LRP1B: variants seen among roughly 807,000 people sequenced by gnomAD.
LRP1B encodes low-density lipoprotein receptor-related protein 1B.
LRP1B carries 217 observed loss-of-function variants against 556.6 expected under a neutral mutation model. The observed-to-expected ratio is 0.39, with a 90% CI of 0.35 to 0.44. The LOEUF is 0.44. Ranked by LOEUF, LRP1B falls within the 20% of genes least tolerant of loss-of-function variation. LRP1B has a pLI of 1.00. For missense variants in LRP1B, 5,053 were observed against 5,620.8 expected (o/e 0.90, Z 3.23); for synonymous variants, 2,047 against 1,865.8 (o/e 1.10, Z -2.50).
chr2:140,742,433 G>A (rs1457054907), intron 35 of LRP1B, among the ~76,000 whole-genome samples: 1 of 152,020 alleles, frequency 6.6e-6, no homozygotes, highest in Non-Finnish European at 1.5e-5. Flanking sequence ...AAATCATTCT[G>A]TAATAAATAG....
intron 79 of LRP1B, among the ~76,000 whole-genome samples, chr2:140,327,398 A>T (rs764043238): frequency 1.2e-4 from 18 of 152,236 alleles, no homozygotes; most frequent in Non-Finnish European, 2.4e-4. Flanking sequence ...GATCCTGAGA[A>T]ATAATAATTA....
intron 1 of LRP1B, among the ~76,000 whole-genome samples, chr2:141,811,189 T>C (rs1696342122): frequency 6.6e-6 from 1 of 152,132 alleles, no homozygotes; most frequent in Admixed American, 6.6e-5. Context: ...AATTATTCTT[T>C]ACATCTTAAT....
At chr2:141,865,300 A>G (rs1698371624) in intron 1 of LRP1B, among the ~76,000 whole-genome samples, 2 of 152,102 alleles carry the variant, frequency 1.3e-5, no homozygotes, top group Admixed American at 1.3e-4. Flanking sequence ...GCATATCATC[A>G]AGACAGAAAT....
At chr2:141,671,974 C>T (rs1002160272) in intron 2 of LRP1B, among the ~76,000 whole-genome samples, 1 of 151,954 alleles carries the variant, frequency 6.6e-6, no homozygotes, top group African/African-American at 2.4e-5. Flanking sequence ...CCACAAAACA[C>T]TCTCTATATC....
chr2:141,927,143 C>T (rs1044001427), intron 1 of LRP1B, among the ~76,000 whole-genome samples: 4 of 152,054 alleles, frequency 2.6e-5, no homozygotes, highest in African/African-American at 9.7e-5. Flanking sequence ...CTGTTGATTG[C>T]TTCTTAAAAG....
At chr2:140,605,741 C>G (rs1682845347) in intron 41 of LRP1B, among the ~76,000 whole-genome samples, 1 of 149,434 alleles carries the variant, frequency 6.7e-6, no homozygotes, top group Non-Finnish European at 1.5e-5. Context: ...TATACGGTCT[C>G]TCTCATTGCA....
intron 32 of LRP1B, among the ~76,000 whole-genome samples, chr2:140,797,699 T>C (rs1690366066): frequency 6.6e-6 from 1 of 152,144 alleles, no homozygotes; most frequent in South Asian, 2.1e-4. Context: ...GTATAATACT[T>C]TAATGGCAGC....
intron 18 of LRP1B, among the ~76,000 whole-genome samples, chr2:140,964,999 T>A (rs774695379): frequency 1.3e-5 from 2 of 152,062 alleles, no homozygotes; most frequent in Non-Finnish European, 1.5e-5. Context: ...AGGGATATAA[T>A]AGAGAGATAT....
intron 2 of LRP1B, among the ~76,000 whole-genome samples, chr2:141,741,355 G>A (rs1269500536): frequency 8.6e-6 from 1 of 116,712 alleles, no homozygotes; most frequent in Non-Finnish European, 1.6e-5. Context: ...TCTAATTTTA[G>A]TTTTTTTGAG....
At chr2:141,738,819 T>C (rs1229620369) in intron 2 of LRP1B, among the ~76,000 whole-genome samples, 1 of 152,108 alleles carries the variant, frequency 6.6e-6, no homozygotes, top group Non-Finnish European at 1.5e-5. Context: ...TTATATTCAA[T>C]CTTATTCAAA....
At chr2:140,784,285 T>A (rs1187019797) in intron 32 of LRP1B, among the ~76,000 whole-genome samples, 2 of 151,784 alleles carry the variant, frequency 1.3e-5, no homozygotes, top group Admixed American at 6.6e-5. Context: ...CAGGTTTCTA[T>A]GCCCCATGTG....
At chr2:140,554,911 C>A (rs1467630313) in intron 43 of LRP1B, among the ~76,000 whole-genome samples, 1 of 148,430 alleles carries the variant, frequency 6.7e-6, no homozygotes, top group Non-Finnish European at 1.5e-5. Flanking sequence ...ACTAGCTAGG[C>A]TTTGTACTTT....
intron 45 of LRP1B, among the ~76,000 whole-genome samples, chr2:140,540,129 T>C (rs1014880183): frequency 6.6e-5 from 10 of 152,062 alleles, no homozygotes; most frequent in Non-Finnish European, 1.5e-5. Flanking sequence ...TACTTATTTT[T>C]ATTATGTAGA....
At chr2:142,079,359 T>C (rs1292428700) in intron 1 of LRP1B, among the ~76,000 whole-genome samples, 3 of 150,760 alleles carry the variant, frequency 2.0e-5, no homozygotes, top group Non-Finnish European at 3.0e-5. Flanking sequence ...AAATATATGT[T>C]GGAAACATAA....
chr2:140,499,423 A>AAC (rs372001233), intron 55 of LRP1B, among the ~76,000 whole-genome samples: 48 of 151,502 alleles, frequency 3.2e-4, no homozygotes, highest in South Asian at 4.2e-4. Context: ...ACATAGAACA[A>AAC]ACACACACAC....
intron 83 of LRP1B, among the ~76,000 whole-genome samples, chr2:140,307,729 C>T (rs12373750): frequency 0.31 from 46,242 of 151,398 alleles, 7,951 homozygotes; most frequent in Non-Finnish European, 0.4. Context: ...TAGTCATAGT[C>T]AGCTATTTCT....
Position 140,304,230 on chromosome 2 carries a change from G to A in LRP1B, c.12806-6261C>T, listed in dbSNP as rs190374618. On this transcript the variant is annotated intron_variant, in intron 83 of 90. Transcript: ENST00000389484. ...TTTAGTTATAGATCCTTGAGGAGTC[G>A]CCACACTGTCTGCCACAATGGTTGT... Among the ~76,000 whole-genome samples the A allele has an allele frequency of 7.6e-4, 116 of 152,216 alleles. 1 individual carries two copies. Among genetic ancestry groups the A allele is most frequent in the Middle Eastern group, 3.4e-3 (1 of 294 alleles).
At chr2:141,281,693 T>C (rs445580) in intron 3 of LRP1B, among the ~76,000 whole-genome samples, 145,692 of 151,844 alleles carry the variant, frequency 0.96, 70,173 homozygotes, top group Non-Finnish European at 1. Flanking sequence ...TAATATTCTA[T>C]GCCATAACAC....
intron 43 of LRP1B, among the ~76,000 whole-genome samples, chr2:140,554,882 G>GTATA (rs1220964024): frequency 2.2e-4 from 17 of 78,962 alleles, no homozygotes; most frequent in African/African-American, 5.7e-4. Flanking sequence ...GTGTGTGTGT[G>GTATA]TGTATATGTA....
Sources: gnomAD v4.1 joint callset for allele counts (sites outside exome capture counted in the v4.1 genomes callset) on GRCh38, gnomAD v4.1.1 for gene constraint, MANE v1.5 for transcripts, NCBI Gene and HGNC (gene_info 2026-07-23, HGNC 2026-07-21) for gene names.